Variants in SLC25A21 observed in about 807,000 individuals in gnomAD.
SLC25A21 encodes the protein solute carrier family 25 member 21, also known as mitochondrial 2-oxodicarboxylate carrier.
SLC25A21 carries 47 observed loss-of-function variants against 43.8 expected under a neutral mutation model. That is an observed-to-expected ratio of 1.07 (90% CI 0.85 to 1.37). The LOEUF is 1.37. Among genes scored for constraint, SLC25A21 ranks in the 40% most tolerant of loss-of-function variants. SLC25A21 has a pLI of 0.00. For missense variants in SLC25A21, 352 were observed against 350.2 expected (o/e 1.00, Z -0.04); for synonymous variants, 131 against 121.3 (o/e 1.08, Z -0.52).
chr14:37,013,312 C>T (rs73256290), intron 1 of SLC25A21, among the ~76,000 whole-genome samples: 6,070 of 152,118 alleles, frequency 0.04, 425 homozygotes, highest in African/African-American at 0.14. Context: ...GTGTCCTAGT[C>T]GACATTTCCT....
chr14:36,881,027 G>C (rs184431475), intron 1 of SLC25A21, among the ~76,000 whole-genome samples: 1 of 152,156 alleles, frequency 6.6e-6, no homozygotes, highest in Non-Finnish European at 1.5e-5. Context: ...AAGACATTGA[G>C]CAGAAAATAG....
At position 36,807,974 on chromosome 14, in the gene SLC25A21, T is replaced by G. The variant is rs534671655; in HGVS notation, c.203+5944A>C. 2.0e-5 allele frequency among the ~76,000 whole-genome samples: 3 copies of G among 152,316 alleles called. No homozygotes were observed. The South Asian group carries it at 6.2e-4, about 32-fold the overall frequency. On this transcript the variant is annotated intron_variant, in intron 3 of 9. Transcript: ENST00000331299. ...ATAAAACGAGGCCTTAAATGTCATT[T>G]AACTAGAAAATATTATAATCACCAA...
At chr14:36,817,598 C>G (rs2138453765) in intron 2 of SLC25A21, among the ~76,000 whole-genome samples, 1 of 152,204 alleles carries the variant, frequency 6.6e-6, no homozygotes, top group African/African-American at 2.4e-5. Context: ...AAGTCAAAGC[C>G]CAGTATAAAG....
intron 1 of SLC25A21, among the ~76,000 whole-genome samples, chr14:36,930,578 A>G (rs2138635839): frequency 6.6e-6 from 1 of 152,166 alleles, no homozygotes; most frequent in Non-Finnish European, 1.5e-5. Context: ...CTTTCTTTAG[A>G]TCATCTAACC....
intron 1 of SLC25A21, among the ~76,000 whole-genome samples, chr14:37,093,031 A>T (rs1962619394): frequency 6.6e-6 from 1 of 152,096 alleles, no homozygotes; most frequent in African/African-American, 2.4e-5. Flanking sequence ...ATGTATATAT[A>T]GCAACTATTG....
intron 1 of SLC25A21, among the ~76,000 whole-genome samples, chr14:36,975,251 GT>G (rs1236615662): frequency 1.3e-5 from 2 of 152,124 alleles, no homozygotes; most frequent in Non-Finnish European, 2.9e-5. Context: ...ATGACCAAAG[GT>G]TACCTATAAT....
At chr14:36,684,619 G>A (rs1055702669) in intron 8 of SLC25A21, 125 bp downstream of exon 8, 8 of 775,672 alleles carry the variant, frequency 1.0e-5, no homozygotes, top group African/African-American at 9.0e-5. Flanking sequence ...ATATATATTC[G>A]CAGTTTCTTA....
chr14:36,842,643 A>C (rs1342318743), intron 2 of SLC25A21, among the ~76,000 whole-genome samples: 3 of 152,240 alleles, frequency 2.0e-5, no homozygotes, highest in Admixed American at 6.5e-5. Flanking sequence ...CCAATAAAGA[A>C]GGAGACTTGA....
At chr14:37,018,855 A>G (rs1410705222) in intron 1 of SLC25A21, among the ~76,000 whole-genome samples, 1 of 152,002 alleles carries the variant, frequency 6.6e-6, no homozygotes, top group Non-Finnish European at 1.5e-5. Flanking sequence ...TTTTTATAAC[A>G]GCAATAATAA....
At chr14:37,025,488 T>G (rs1409021986) in intron 1 of SLC25A21, among the ~76,000 whole-genome samples, 2 of 152,166 alleles carry the variant, frequency 1.3e-5, no homozygotes, top group African/African-American at 4.8e-5. Flanking sequence ...ATAAACGTGA[T>G]TATCATAATT....
intron 1 of SLC25A21, among the ~76,000 whole-genome samples, chr14:36,968,985 C>T (rs904696313): frequency 2.0e-5 from 3 of 152,158 alleles, no homozygotes; most frequent in Non-Finnish European, 4.4e-5. Context: ...CTACTAAGGC[C>T]AAAGGCCTTT....
chr14:36,848,940 T>A (rs1889632206), intron 2 of SLC25A21, among the ~76,000 whole-genome samples: 1 of 152,180 alleles, frequency 6.6e-6, no homozygotes, highest in African/African-American at 2.4e-5. Context: ...ATTCTGACTT[T>A]CCATCTCTCG....
chr14:36,784,218 C>T (rs1380070642), intron 3 of SLC25A21, among the ~76,000 whole-genome samples: 1 of 152,160 alleles, frequency 6.6e-6, no homozygotes, highest in Admixed American at 6.5e-5. Context: ...GCACATAATT[C>T]AATTGACACA....
intron 1 of SLC25A21, among the ~76,000 whole-genome samples, chr14:36,919,869 G>A (rs1891933193): frequency 6.6e-6 from 1 of 151,974 alleles, no homozygotes; most frequent in African/African-American, 2.4e-5. Flanking sequence ...ACAAATAATG[G>A]TGATGAATGA....
At chr14:36,858,914 G>C (rs1249001356) in intron 2 of SLC25A21, among the ~76,000 whole-genome samples, 1 of 152,052 alleles carries the variant, frequency 6.6e-6, no homozygotes, top group East Asian at 1.9e-4. Flanking sequence ...TTAGTACTAA[G>C]AGGAAATCAA....
At chr14:36,944,766 A>G (rs1892643177) in intron 1 of SLC25A21, among the ~76,000 whole-genome samples, 2 of 152,126 alleles carry the variant, frequency 1.3e-5, no homozygotes, top group South Asian at 4.1e-4. Context: ...CATTTTATTG[A>G]GTAGAATGAG....
intron 9 of SLC25A21, 110 bp from the exon 10 acceptor site, chr14:36,680,829 G>C: frequency 1.1e-6 from 1 of 882,118 alleles, no homozygotes; most frequent in Non-Finnish European, 1.7e-6. Context: ...GGCAGAGGCT[G>C]TTCGGAATCA....
At chr14:36,862,615 G>C (rs1890101752) in intron 2 of SLC25A21, among the ~76,000 whole-genome samples, 1 of 144,064 alleles carries the variant, frequency 6.9e-6, no homozygotes, top group Non-Finnish European at 1.6e-5. Flanking sequence ...TTCAGGGGCT[G>C]TGGGGCTAGG....
rs374763255 is a variant in SLC25A21, at chr14:37,151,851, A to G, written c.70+20430T>C. 1.1e-4 allele frequency among the ~76,000 whole-genome samples: 16 copies of G among 152,308 alleles called. No homozygotes were observed. In the East Asian group the frequency reaches 2.7e-3, roughly 26 times the overall value. On this transcript the variant is annotated intron_variant, in intron 1 of 9. Transcript: ENST00000331299. Reference sequence around the variant, plus strand: ...GGAGTTCAAGACGAGCCTGGCCAACATAGTGAAACCCTGTCTCTACTAAAA... The same window carrying G: ...GGAGTTCAAGACGAGCCTGGCCAACGTAGTGAAACCCTGTCTCTACTAAAA...
Sources: gnomAD v4.1 joint callset for allele counts (sites outside exome capture counted in the v4.1 genomes callset) on GRCh38, gnomAD v4.1.1 for gene constraint, MANE v1.5 for transcripts, NCBI Gene and HGNC (gene_info 2026-07-23, HGNC 2026-07-21) for gene names.